Variants in AHCYL2 observed in about 807,000 individuals in gnomAD.
AHCYL2 encodes S-adenosylhomocysteine hydrolase-like protein 2.
Under a neutral mutation model 81.4 loss-of-function variants are expected in AHCYL2, and 28 were observed. The observed-to-expected ratio is 0.34, with a 90% CI of 0.25 to 0.47. AHCYL2 has a LOEUF of 0.47. Ranked by LOEUF, AHCYL2 falls within the 20% of genes least tolerant of loss-of-function variation. The probability of loss-of-function intolerance (pLI) is 1.00; values close to 1 mark genes in which losing one functional copy is unlikely to be tolerated. For synonymous variants in AHCYL2, 272 were observed against 290.2 expected (o/e 0.94, Z 0.64); for missense variants, 551 against 785.1 (o/e 0.70, Z 3.56).
At chr7:129,389,571 G>T in intron 3 of AHCYL2, 63 bp from the exon 4 acceptor site, 1 of 1,372,392 alleles carries the variant, frequency 7.3e-7, no homozygotes, top group South Asian at 1.3e-5. Context: ...AAGTTTTTCT[G>T]TTTGTTCTTT....
rs117176190 is a variant in AHCYL2, at chr7:129,315,903, T to G, written c.364-63735T>G. ...ATGTCAGGCTGAAATATGAACAATA[T>G]TCATTGGAAATTAACAATAGGACAC... On this transcript the variant is annotated intron_variant, in intron 1 of 16. Transcript: ENST00000325006. Among the ~76,000 whole-genome samples, 674 of 152,300 alleles carry G rather than the reference T, an allele frequency of 4.4e-3. 1 individual carries two copies. The highest frequency in any genetic ancestry group is 7.9e-3 in the Non-Finnish European group (536 of 68,030).
At chr7:129,360,704 C>CGT (rs149996224) in intron 1 of AHCYL2, among the ~76,000 whole-genome samples, 21 of 151,428 alleles carry the variant, frequency 1.4e-4, no homozygotes, top group South Asian at 2.1e-4. Flanking sequence ...TTTTGAAAGA[C>CGT]GTGTGTGTGT....
intron 2 of AHCYL2, among the ~76,000 whole-genome samples, chr7:129,380,747 G>A (rs1364444422): frequency 6.6e-6 from 1 of 151,942 alleles, no homozygotes; most frequent in East Asian, 1.9e-4. Flanking sequence ...TTGTGGGGTA[G>A]CACAAGATTT....
chr7:129,280,018 T>C (rs773760727), intron 1 of AHCYL2, among the ~76,000 whole-genome samples: 5 of 152,148 alleles, frequency 3.3e-5, no homozygotes, highest in Non-Finnish European at 7.4e-5. Flanking sequence ...CCTAGCTTCC[T>C]GGGAATGCAG....
chr7:129,354,051 T>C (rs1367269462), intron 1 of AHCYL2, among the ~76,000 whole-genome samples: 4 of 152,100 alleles, frequency 2.6e-5, no homozygotes, highest in Non-Finnish European at 5.9e-5. Flanking sequence ...ATGAATAATT[T>C]CAGTGGATTG....
intron 1 of AHCYL2, among the ~76,000 whole-genome samples, chr7:129,266,534 C>CA (rs111575838): frequency 5.8e-4 from 80 of 137,712 alleles, no homozygotes; most frequent in South Asian, 1.2e-3. Context: ...CGTCCCCCGC[C>CA]AAAAAAAAAA....
At chr7:129,254,303 A>G (rs545552979) in intron 1 of AHCYL2, among the ~76,000 whole-genome samples, 1 of 152,318 alleles carries the variant, frequency 6.6e-6, no homozygotes, top group East Asian at 1.9e-4. Context: ...CAGAAAGAAG[A>G]AAAGGTATTA....
chr7:129,329,347 A>T (rs1398793041), intron 1 of AHCYL2, among the ~76,000 whole-genome samples: 1 of 151,378 alleles, frequency 6.6e-6, no homozygotes, highest in Non-Finnish European at 1.5e-5. Flanking sequence ...TGCCTGGCTA[A>T]TTTTTTTTTA....
chr7:129,379,621 AG>A lies in AHCYL2; in HGVS notation c.364-15del. Reference sequence around the variant, plus strand: ...GGAGGTTCTTTTTCTTTATATAACTAGGTTTCTTTTTCTTAGCAGATCCAGT... The same window carrying A: ...GGAGGTTCTTTTTCTTTATATAACTAGTTTCTTTTTCTTAGCAGATCCAGT... On this transcript the variant is annotated splice_polypyrimidine_tract_variant and intron_variant, in intron 1 of 16. Transcript: ENST00000325006. 6.2e-7 allele frequency: 1 copy of A among 1,600,958 alleles called. No homozygotes were observed. The highest frequency in any genetic ancestry group is 8.5e-7 in the Non-Finnish European group (1 of 1,171,638).
chr7:129,327,818 G>C (rs1382798444), intron 1 of AHCYL2, among the ~76,000 whole-genome samples: 1 of 151,758 alleles, frequency 6.6e-6, no homozygotes, highest in Admixed American at 6.6e-5. Context: ...TTTTCAGACT[G>C]AGTCTTACTC....
intron 5 of AHCYL2, 108 bp downstream of exon 5, chr7:129,397,432 G>T: frequency 9.5e-7 from 1 of 1,055,734 alleles, no homozygotes; most frequent in Non-Finnish European, 1.4e-6. Context: ...GAACTATCTT[G>T]GAAGAAATGG....
intron 1 of AHCYL2, among the ~76,000 whole-genome samples, chr7:129,266,011 A>G (rs972655865): frequency 2.6e-5 from 4 of 152,228 alleles, no homozygotes; most frequent in Non-Finnish European, 4.4e-5. Context: ...AACAACTGTA[A>G]GTATAAAAAC....
chr7:129,385,127 A>C (rs1267664912), intron 2 of AHCYL2, among the ~76,000 whole-genome samples: 1 of 152,238 alleles, frequency 6.6e-6, no homozygotes, highest in Admixed American at 6.5e-5. Context: ...TTTTGTTCCC[A>C]AACTCTACAA....
intron 1 of AHCYL2, among the ~76,000 whole-genome samples, chr7:129,243,992 T>C (rs1794958920): frequency 1.3e-5 from 2 of 151,822 alleles, no homozygotes; most frequent in Admixed American, 1.3e-4. Context: ...TATTTTTTTC[T>C]TTTTTTGTGC....
chr7:129,418,105 G>C (rs1796943845), intron 12 of AHCYL2, among the ~76,000 whole-genome samples: 1 of 152,110 alleles, frequency 6.6e-6, no homozygotes, highest in South Asian at 2.1e-4. Context: ...TTGAGGAAAA[G>C]AAAAGAAGTC....
intron 9 of AHCYL2, 79 bp downstream of exon 9, chr7:129,405,978 C>G: frequency 7.6e-7 from 1 of 1,310,452 alleles, no homozygotes; most frequent in South Asian, 1.2e-5. Flanking sequence ...TTTGTATGGA[C>G]ATATGAGTAC....
chr7:129,348,839 A>T (rs748967602), intron 1 of AHCYL2, among the ~76,000 whole-genome samples: 1 of 152,298 alleles, frequency 6.6e-6, no homozygotes, highest in African/African-American at 2.4e-5. Flanking sequence ...TTGTATAAGC[A>T]TATGCTTATT....
Position 129,379,758 on chromosome 7 carries a change from T to C in AHCYL2, c.475+9T>C, listed in dbSNP as rs370529108. 1.2e-5 allele frequency: 19 copies of C among 1,608,996 alleles called. No individual in the cohort carries two copies. The African/African-American group carries it at 1.9e-4, about 16-fold the overall frequency. ...TGACAGCTACAGCTCAGGTGAGTACTGAACTGCTGTGGACCCAGCTGTTGA... is the reference window on the plus strand; with the variant it reads ...TGACAGCTACAGCTCAGGTGAGTACCGAACTGCTGTGGACCCAGCTGTTGA... On this transcript the variant is annotated intron_variant, in intron 2 of 16. Coordinates refer to ENST00000325006, the MANE Select transcript of AHCYL2 (RefSeq NM_015328.4).
chr7:129,345,990 A>T (rs957044758), intron 1 of AHCYL2, among the ~76,000 whole-genome samples: 54 of 152,202 alleles, frequency 3.5e-4, no homozygotes, highest in African/African-American at 1.3e-3. Flanking sequence ...GATCTGAGAG[A>T]TCTGGGCTGT....
Sources: gnomAD v4.1 joint callset for allele counts (sites outside exome capture counted in the v4.1 genomes callset) on GRCh38, gnomAD v4.1.1 for gene constraint, MANE v1.5 for transcripts, NCBI Gene and HGNC (gene_info 2026-07-23, HGNC 2026-07-21) for gene names.